Variants in INO80D observed in about 807,000 individuals in gnomAD.
INO80D encodes the protein INO80 complex subunit D.
In INO80D, 21 loss-of-function variants were observed where a neutral mutation model predicts 87.6. The ratio of observed to expected loss-of-function variants is 0.24; its 90% CI spans 0.17 to 0.35. The LOEUF is 0.35. Among genes scored for constraint, INO80D ranks in the 10% least tolerant of loss-of-function variants. The probability of loss-of-function intolerance (pLI) is 1.00; values close to 1 mark genes in which losing one functional copy is unlikely to be tolerated. For synonymous variants in INO80D, 440 were observed against 491.0 expected, an observed-to-expected ratio of 0.90 and a Z score of 1.37; for missense variants, 982 against 1,280.7, an observed-to-expected ratio of 0.77 and a Z score of 3.56.
intron 5 of INO80D, among the ~76,000 whole-genome samples, chr2:206,044,432 G>A: frequency 6.9e-6 from 1 of 145,958 alleles, no homozygotes. Flanking sequence ...AGAATGAAGG[G>A]GAAAAGATGG....
chr2:206,010,037 G>T (rs971885328), intron 8 of INO80D, among the ~76,000 whole-genome samples: 1 of 151,388 alleles, frequency 6.6e-6, no homozygotes, highest in Non-Finnish European at 1.5e-5. Context: ...TCAGCCTGCT[G>T]ATGGTCATTA....
chr2:206,012,107 T>G (rs1321858571), intron 8 of INO80D, among the ~76,000 whole-genome samples: 1 of 152,146 alleles, frequency 6.6e-6, no homozygotes, highest in Non-Finnish European at 1.5e-5. Flanking sequence ...CAGGTTTTGA[T>G]TTTATGGAGC....
intron 4 of INO80D, among the ~76,000 whole-genome samples, chr2:206,054,934 C>A (rs1427318858): frequency 2.0e-5 from 3 of 152,216 alleles, no homozygotes; most frequent in African/African-American, 7.2e-5. Context: ...GCATAAGCCA[C>A]TAAGCCCAGC....
At chr2:206,070,733 A>G (rs1037614581) in intron 1 of INO80D, among the ~76,000 whole-genome samples, 4 of 152,144 alleles carry the variant, frequency 2.6e-5, no homozygotes, top group African/African-American at 9.7e-5. Flanking sequence ...AGAAAAAAGA[A>G]AGAAAAGAAA....
At position 206,062,882 on chromosome 2, in the gene INO80D, A is replaced by G. The variant is rs1175101500; in HGVS notation, c.135T>C (p.Thr45=). 8.1e-6 allele frequency: 13 copies of G among 1,613,492 alleles called. No individual in the cohort carries two copies. The highest frequency in any genetic ancestry group is 3.3e-5 in the South Asian group (3 of 91,004). ...FCIRHVLEDK[T]APFKQCEYVA... ...CATATTCACATTGCTTGAAGGGGGCAGTCTTGTCCTCCAGAACGTGTCTGA... is the reference window on the plus strand; with the variant it reads ...CATATTCACATTGCTTGAAGGGGGCGGTCTTGTCCTCCAGAACGTGTCTGA... Residue 45 remains threonine (T), a synonymous_variant, in exon 3 of 11, where the codon ACT becomes ACC. Transcript: ENST00000403263. The surrounding 1 kb of genome is among the most constrained non-coding windows in gnomAD (Gnocchi z 4.6).
At chr2:206,032,098 CA>C (rs1225479516) in intron 5 of INO80D, among the ~76,000 whole-genome samples, 1 of 152,158 alleles carries the variant, frequency 6.6e-6, no homozygotes, top group Non-Finnish European at 1.5e-5. Flanking sequence ...TTCGGGAGGG[CA>C]GCCAGAGGCA....
At chr2:206,068,854 T>C (rs999121228) in intron 1 of INO80D, among the ~76,000 whole-genome samples, 1 of 151,890 alleles carries the variant, frequency 6.6e-6, no homozygotes, top group Non-Finnish European at 1.5e-5. Context: ...CACATACCAC[T>C]ACACAGTGCT....
chr2:206,028,366 T>C (rs769032280), intron 5 of INO80D, 31 bp from the exon 6 acceptor site: 4 of 1,507,626 alleles, frequency 2.7e-6, no homozygotes, highest in Non-Finnish European at 3.6e-6. Flanking sequence ...AAGGAAAAAC[T>C]GATTACACAT....
intron 1 of INO80D, among the ~76,000 whole-genome samples, chr2:206,077,202 G>A (rs1366289345): frequency 1.3e-5 from 2 of 151,886 alleles, no homozygotes; most frequent in Non-Finnish European, 2.9e-5. Context: ...GTGTGAACCC[G>A]GGAGTCGGGC....
At chr2:206,063,905 G>A (rs375727449) in intron 1 of INO80D, among the ~76,000 whole-genome samples, 1 of 152,088 alleles carries the variant, frequency 6.6e-6, no homozygotes, top group East Asian at 1.9e-4. Context: ...AGAATAAATG[G>A]TAGACCTAAA....
chr2:205,999,565 A>AT lies in INO80D; in HGVS notation c.*4802_*4803insA, dbSNP rs1687869397. On this transcript the variant is annotated 3_prime_UTR_variant, in exon 11 of 11. Transcript: ENST00000403263. The stretch of plus-strand genomic sequence containing the variant: ...GTGCAGAGAAAAACTAACAAAAAAA[A>AT]ATAAGGGCTGAAGTGAAAACAGAAT... 6.6e-6 allele frequency: 1 copy of AT among 152,212 alleles called. No homozygotes were observed. The highest frequency in any genetic ancestry group is 1.5e-5 in the Non-Finnish European group (1 of 68,044). 9.4% of individuals were successfully genotyped at this position (152,212 alleles called of 1,614,324 possible). A position where few individuals can be genotyped will look rare whatever the true frequency, so the allele number is the denominator to read the frequency against.
chr2:206,075,192 C>T (rs1690079376), intron 1 of INO80D, among the ~76,000 whole-genome samples: 1 of 152,138 alleles, frequency 6.6e-6, no homozygotes, highest in African/African-American at 2.4e-5. Flanking sequence ...TTAACAAAAG[C>T]AGCCAGCAGC....
intron 4 of INO80D, among the ~76,000 whole-genome samples, chr2:206,053,884 A>C (rs908107277): frequency 1.3e-5 from 2 of 151,620 alleles, no homozygotes; most frequent in African/African-American, 4.8e-5. Context: ...TTGTTGCCCA[A>C]GCTGGAGTAC....
At chr2:206,021,950 G>A (rs1008752538) in intron 6 of INO80D, among the ~76,000 whole-genome samples, 2 of 151,924 alleles carry the variant, frequency 1.3e-5, no homozygotes, top group African/African-American at 2.4e-5. Context: ...CTAATAAACC[G>A]CTCAGCTATC....
At chr2:206,020,306 G>C (rs1688425940) in intron 6 of INO80D, among the ~76,000 whole-genome samples, 1 of 152,148 alleles carries the variant, frequency 6.6e-6, no homozygotes, top group African/African-American at 2.4e-5. Flanking sequence ...TGAGCTGGCA[G>C]GGTTGTTGGG....
intron 1 of INO80D, among the ~76,000 whole-genome samples, chr2:206,080,849 G>A (rs1184204981): frequency 1.5e-5 from 2 of 136,586 alleles, no homozygotes; most frequent in Non-Finnish European, 3.0e-5. Context: ...CTTGCAGTGA[G>A]CTGAGATCGT....
intron 5 of INO80D, among the ~76,000 whole-genome samples, chr2:206,037,847 T>C (rs1378895787): frequency 6.6e-6 from 1 of 152,098 alleles, no homozygotes; most frequent in Non-Finnish European, 1.5e-5. Context: ...AGTGGACAAA[T>C]GGATAAAGAA....
rs1687828242 is a variant in INO80D, at chr2:205,997,421, A to T, written c.*6947T>A. ...TATGCACGGTGAAATGATCCCACCA[A>T]CTCCTTAAACAAAGCAGCCCCTTCC... On this transcript the variant is annotated 3_prime_UTR_variant, in exon 11 of 11. Transcript: ENST00000403263. The T allele has an allele frequency of 6.6e-6, 1 of 152,078 alleles. No individual in the cohort carries two copies. Among genetic ancestry groups the T allele is most frequent in the African/African-American group, 2.4e-5 (1 of 41,418 alleles). 9.4% of individuals were successfully genotyped at this position (152,078 alleles called of 1,614,324 possible). A position where few individuals can be genotyped will look rare whatever the true frequency, so the allele number is the denominator to read the frequency against.
intron 7 of INO80D, 61 bp from the exon 8 acceptor site, chr2:206,017,874 A>C: frequency 6.7e-7 from 1 of 1,493,048 alleles, no homozygotes. Context: ...ATTTCTATAT[A>C]AAATTTGCTT....
Sources: gnomAD v4.1 joint callset for allele counts (sites outside exome capture counted in the v4.1 genomes callset) on GRCh38, gnomAD v4.1.1 for gene constraint, Gnocchi (gnomAD v3.1) non-coding constraint, MANE v1.5 for transcripts, NCBI Gene and HGNC (gene_info 2026-07-23, HGNC 2026-07-21) for gene names.